Variants in PCCA observed in about 807,000 individuals in gnomAD.
PCCA encodes propionyl-CoA carboxylase subunit alpha, also known as propionyl-CoA carboxylase alpha chain, mitochondrial.
PCCA carries 74 observed loss-of-function variants against 101.3 expected under a neutral mutation model. The observed-to-expected ratio is 0.73, with a 90% CI of 0.61 to 0.89. The LOEUF is 0.89. Ranked by LOEUF, PCCA falls within the 40% of genes least tolerant of loss-of-function variation. The probability of loss-of-function intolerance (pLI) is 0.00; values close to 1 mark genes in which losing one functional copy is unlikely to be tolerated. For missense variants in PCCA, 891 were observed against 907.0 expected (o/e 0.98, Z 0.23); for synonymous variants, 294 against 313.6 (o/e 0.94, Z 0.66).
intron 6 of PCCA, among the ~76,000 whole-genome samples, chr13:100,206,394 G>A (rs1046773526): frequency 5.3e-5 from 8 of 152,118 alleles, no homozygotes; most frequent in Non-Finnish European, 1.2e-4. Context: ...AACCTCCAGA[G>A]TAGTTGGGAT....
chr13:100,400,254 A>G (rs1456695698), intron 19 of PCCA, among the ~76,000 whole-genome samples: 1 of 152,164 alleles, frequency 6.6e-6, no homozygotes, highest in Non-Finnish European at 1.5e-5. Context: ...TTGTTTGTTT[A>G]GTATGCGGGG....
intron 6 of PCCA, among the ~76,000 whole-genome samples, chr13:100,195,880 T>TG (rs1440593200): frequency 5.9e-5 from 9 of 152,046 alleles, no homozygotes; most frequent in Non-Finnish European, 1.2e-4. Flanking sequence ...GCACAAAGAG[T>TG]GAAGAATGTG....
intron 6 of PCCA, among the ~76,000 whole-genome samples, chr13:100,195,587 TCTTC>T (rs2058055332): frequency 6.6e-6 from 1 of 152,190 alleles, no homozygotes; most frequent in Admixed American, 6.5e-5. Context: ...TCTCTGGGTA[TCTTC>T]TATATTGCCT....
chr13:100,308,805 T>C (rs2066673218), intron 15 of PCCA, among the ~76,000 whole-genome samples: 1 of 152,194 alleles, frequency 6.6e-6, no homozygotes, highest in African/African-American at 2.4e-5. Context: ...ATTTGCTTGA[T>C]ATTGAAGAGC....
intron 9 of PCCA, among the ~76,000 whole-genome samples, chr13:100,260,340 AG>A (rs1265520380): frequency 6.6e-6 from 1 of 150,448 alleles, no homozygotes; most frequent in African/African-American, 2.4e-5. Context: ...TCTTCTAGTC[AG>A]TTTTACCTGC....
chr13:100,513,879 AT>A (rs957280749), intron 21 of PCCA, among the ~76,000 whole-genome samples: 1 of 152,120 alleles, frequency 6.6e-6, no homozygotes, highest in Non-Finnish European at 1.5e-5. Flanking sequence ...GTGATGTTGG[AT>A]TTTTTCCCCC....
At chr13:100,387,906 A>G (rs1194651434) in intron 19 of PCCA, among the ~76,000 whole-genome samples, 1 of 152,212 alleles carries the variant, frequency 6.6e-6, no homozygotes, top group African/African-American at 2.4e-5. Flanking sequence ...ACAAAAATAT[A>G]TAAAATTCAG....
At chr13:100,336,271 AAAAC>A (rs372883881) in intron 17 of PCCA, among the ~76,000 whole-genome samples, 5 of 152,284 alleles carry the variant, frequency 3.3e-5, no homozygotes, top group South Asian at 2.1e-4. Context: ...TCAAGAAACA[AAAAC>A]AAACAAACAC....
chr13:100,148,437 T>C (rs923154191), intron 4 of PCCA, among the ~76,000 whole-genome samples: 8 of 138,610 alleles, frequency 5.8e-5, no homozygotes, highest in African/African-American at 1.8e-4. Context: ...ACTCTACTTT[T>C]TCCTCTGCTT....
chr13:100,118,694 G>C (rs1273570823), intron 4 of PCCA, among the ~76,000 whole-genome samples: 1 of 151,972 alleles, frequency 6.6e-6, no homozygotes, highest in Non-Finnish European at 1.5e-5. Flanking sequence ...GACTACAGGT[G>C]CATGCCACCA....
intron 7 of PCCA, among the ~76,000 whole-genome samples, chr13:100,218,929 G>C (rs2059666355): frequency 6.6e-6 from 1 of 152,142 alleles, no homozygotes; most frequent in Admixed American, 6.5e-5. Context: ...ATCTATGTAA[G>C]GACAGTCTCT....
intron 7 of PCCA, among the ~76,000 whole-genome samples, chr13:100,214,759 T>C (rs936824378): frequency 6.6e-6 from 1 of 152,158 alleles, no homozygotes. Context: ...TTCACTTCTT[T>C]GGTTAAGTTT....
chr13:100,262,797 A>G lies in PCCA; in HGVS notation c.785A>G (p.Lys262Arg). The G allele has an allele frequency of 6.5e-7, 1 of 1,549,032 alleles. No homozygotes were observed. The highest frequency in any genetic ancestry group is 8.9e-7 in the Non-Finnish European group (1 of 1,122,514). The stretch of plus-strand genomic sequence containing the variant: ...GGCGATGATAGACTACTAATAGAAA[A>G]ATTTATTGATAATCCTCGTCATATA... ...SFGDDRLLIEKFIDNPRHIEI... is the reference protein window; with the variant it reads ...SFGDDRLLIERFIDNPRHIEI... The change falls in exon 10 of 24, where the codon AAA becomes AGA. Residue 262 changes from lysine (K) to arginine (R), a missense_variant. By Grantham distance (26) the Lys-to-Arg change is conservative. Coordinates refer to ENST00000376285, the MANE Select transcript of PCCA (RefSeq NM_000282.4).
chr13:100,368,345 G>A (rs1646584274), intron 18 of PCCA, 127 bp from the exon 19 acceptor site: 1 of 634,658 alleles, frequency 1.6e-6, no homozygotes, highest in Non-Finnish European at 2.8e-6. Context: ...TAGAGTAGGT[G>A]TTTAAAATGT....
intron 13 of PCCA, 35 bp downstream of exon 13, chr13:100,301,638 T>G: frequency 6.2e-7 from 1 of 1,612,944 alleles, no homozygotes; most frequent in Non-Finnish European, 8.5e-7. Context: ...AGGATGGTGG[T>G]TATGTCCAGA....
chr13:100,482,813 G>A (rs938274758), intron 21 of PCCA, among the ~76,000 whole-genome samples: 1 of 152,214 alleles, frequency 6.6e-6, no homozygotes, highest in East Asian at 1.9e-4. Flanking sequence ...TTGAGGTCAG[G>A]AGTTCAAGAC....
intron 17 of PCCA, among the ~76,000 whole-genome samples, chr13:100,332,926 A>G (rs973386839): frequency 6.6e-6 from 1 of 152,204 alleles, no homozygotes; most frequent in Non-Finnish European, 1.5e-5. Flanking sequence ...AATGACCAGT[A>G]AGATAATAAT....
chr13:100,337,467 A>G (rs191664333), intron 17 of PCCA, among the ~76,000 whole-genome samples: 42 of 152,336 alleles, frequency 2.8e-4, no homozygotes, highest in East Asian at 3.9e-4. Flanking sequence ...GCAGAAGTCA[A>G]GTCCACTCTG....
intron 19 of PCCA, among the ~76,000 whole-genome samples, chr13:100,395,623 C>T (rs977560733): frequency 6.6e-6 from 1 of 152,080 alleles, no homozygotes; most frequent in African/African-American, 2.4e-5. Context: ...TATTTTATTA[C>T]ATTTGTGTAA....
Sources: allele counts gnomAD v4.1 joint callset (sites outside exome capture counted in the v4.1 genomes callset), GRCh38; gene constraint gnomAD v4.1.1; transcripts MANE v1.5; gene names NCBI Gene and HGNC (gene_info 2026-07-23, HGNC 2026-07-21).